Variants in NCOA2 observed in about 807,000 individuals in gnomAD.
NCOA2 encodes class E basic helix-loop-helix protein 75.
NCOA2 carries 21 observed loss-of-function variants against 145.1 expected under a neutral mutation model. The ratio of observed to expected loss-of-function variants is 0.14; its 90% CI spans 0.10 to 0.21. The LOEUF (loss-of-function observed/expected upper bound fraction) is 0.21, where lower values mean the gene tolerates loss of function less well. Ranked by LOEUF, NCOA2 falls within the 10% of genes least tolerant of loss-of-function variation. NCOA2 has a pLI of 1.00. For synonymous variants in NCOA2, 619 were observed against 637.5 expected, an observed-to-expected ratio of 0.97 and a Z score of 0.44; for missense variants, 1,472 against 1,837.6, an observed-to-expected ratio of 0.80 and a Z score of 3.64.
At chr8:70,328,749 CAAA>C (rs2136263949) in intron 1 of NCOA2, among the ~76,000 whole-genome samples, 1 of 152,080 alleles carries the variant, frequency 6.6e-6, no homozygotes, top group East Asian at 1.9e-4. Flanking sequence ...TCTCTGGTGT[CAAA>C]CTAGATACCT....
intron 6 of NCOA2, among the ~76,000 whole-genome samples, chr8:70,167,569 A>G (rs1209250579): frequency 1.3e-5 from 2 of 152,232 alleles, no homozygotes; most frequent in Non-Finnish European, 2.9e-5. Context: ...TATATAGTTT[A>G]TAACTTTGTT....
At chr8:70,326,320 T>C (rs1173493099) in intron 1 of NCOA2, among the ~76,000 whole-genome samples, 1 of 152,116 alleles carries the variant, frequency 6.6e-6, no homozygotes, top group Non-Finnish European at 1.5e-5. Flanking sequence ...AGTTCTCCCA[T>C]ATACATGTGA....
chr8:70,398,489 C>T (rs1178720226), intron 1 of NCOA2, among the ~76,000 whole-genome samples: 1 of 152,094 alleles, frequency 6.6e-6, no homozygotes, highest in African/African-American at 2.4e-5. Context: ...ACAACAACAG[C>T]AAGACCAAAG....
At chr8:70,308,166 T>C (rs1294362056) in intron 1 of NCOA2, among the ~76,000 whole-genome samples, 1 of 152,200 alleles carries the variant, frequency 6.6e-6, no homozygotes, top group Non-Finnish European at 1.5e-5. Context: ...AATGTAATCC[T>C]TTTTTATAAA....
At chr8:70,169,800 G>C (rs1306422790) in intron 6 of NCOA2, among the ~76,000 whole-genome samples, 1 of 151,914 alleles carries the variant, frequency 6.6e-6, no homozygotes, top group African/African-American at 2.4e-5. Context: ...AATGAAAATA[G>C]TTGCCATATA....
intron 1 of NCOA2, among the ~76,000 whole-genome samples, chr8:70,389,149 T>C (rs1002553868): frequency 3.9e-5 from 6 of 152,180 alleles, no homozygotes; most frequent in African/African-American, 1.4e-4. Context: ...AATGTCCCTG[T>C]TTTCGTTACA....
intron 4 of NCOA2, among the ~76,000 whole-genome samples, chr8:70,187,451 A>G (rs1586012675): frequency 6.6e-6 from 1 of 152,342 alleles, no homozygotes; most frequent in African/African-American, 2.4e-5. Flanking sequence ...GGACTGTTTA[A>G]GCAATCAAAT....
the NCOA2 span, among the ~76,000 whole-genome samples, chr8:70,409,889 A>C: frequency 6.6e-6 from 1 of 152,070 alleles, no homozygotes; most frequent in South Asian, 2.1e-4. Flanking sequence ...GAAAGAAAGA[A>C]TAAAAGAGAG....
intron 2 of NCOA2, among the ~76,000 whole-genome samples, chr8:70,278,641 C>A (rs1342902543): frequency 6.6e-6 from 1 of 152,104 alleles, no homozygotes; most frequent in Non-Finnish European, 1.5e-5. Context: ...CTCCTCTAGT[C>A]CATTCACCCC....
In NCOA2 at chr8:70,208,383, A is replaced by C. The variant is rs542981270; in HGVS notation, c.259+5520T>G. ...AAATCCTCCATAATATAAAAATATAAGGTGAAGCAGCATGTGCTGATGGAG... is the reference window on the plus strand; with the variant it reads ...AAATCCTCCATAATATAAAAATATACGGTGAAGCAGCATGTGCTGATGGAG... On this transcript the variant is annotated intron_variant, in intron 4 of 22. Coordinates refer to ENST00000452400, the MANE Select transcript of NCOA2 (RefSeq NM_006540.4). Among the ~76,000 whole-genome samples, 22 of 152,376 alleles carry C rather than the reference A, an allele frequency of 1.4e-4. 1 individual carries two copies. The South Asian group carries it at 3.5e-3, about 24-fold the overall frequency.
At chr8:70,176,394 C>T (rs1276354035) in intron 4 of NCOA2, among the ~76,000 whole-genome samples, 1 of 152,056 alleles carries the variant, frequency 6.6e-6, no homozygotes, top group Admixed American at 6.6e-5. Context: ...ATTTGTCAGT[C>T]CTTGCTTCAT....
rs766442634 is a variant in NCOA2 at position 70,156,610 on chromosome 8, A to G, written c.1755T>C (p.Cys585=). 59 of 1,613,860 alleles carry G rather than the reference A, an allele frequency of 3.7e-5. No homozygotes were observed. The highest frequency in any genetic ancestry group is 4.5e-5 in the Non-Finnish European group (53 of 1,179,864). ...CAGAGGGCTCCCCATATAGTCCAAA[A>G]CAGTCTTTTGAGTCCAAGCTTCCCA... ...SKMGSLDSKD[C]FGLYGEPSEG... is the part of the protein sequence containing the mutation. The change falls in exon 11 of 23, where the codon TGT becomes TGC. Residue 585 remains cysteine (C), a synonymous_variant. Transcript: ENST00000452400.
intron 4 of NCOA2, among the ~76,000 whole-genome samples, chr8:70,184,760 G>A (rs1329967142): frequency 6.6e-6 from 1 of 152,170 alleles, no homozygotes; most frequent in African/African-American, 2.4e-5. Flanking sequence ...TCTTCTTTCT[G>A]GCTCTGCCAC....
intron 4 of NCOA2, among the ~76,000 whole-genome samples, chr8:70,209,428 C>T (rs933904194): frequency 6.6e-6 from 1 of 152,224 alleles, no homozygotes; most frequent in African/African-American, 2.4e-5. Flanking sequence ...TTTGAGAGGA[C>T]TGATTCCAAT....
chr8:70,173,545 T>C (rs918026589), intron 5 of NCOA2, among the ~76,000 whole-genome samples: 28 of 152,202 alleles, frequency 1.8e-4, no homozygotes, highest in African/African-American at 6.8e-4. Context: ...TGGCCTTCCA[T>C]TGCCTTGTTG....
chr8:70,289,883 G>A (rs773812999), intron 2 of NCOA2, among the ~76,000 whole-genome samples: 4 of 151,904 alleles, frequency 2.6e-5, no homozygotes, highest in Non-Finnish European at 5.9e-5. Context: ...GGGGTGCAGT[G>A]GCTATTCACA....
chr8:70,320,481 T>A (rs1805953252), intron 1 of NCOA2, among the ~76,000 whole-genome samples: 2 of 152,156 alleles, frequency 1.3e-5, no homozygotes, highest in African/African-American at 4.8e-5. Context: ...AAGTCAGGCT[T>A]ACATGAAAGA....
At chr8:70,233,221 G>A (rs372336130) in intron 2 of NCOA2, among the ~76,000 whole-genome samples, 399 of 150,752 alleles carry the variant, frequency 2.6e-3, no homozygotes, top group Middle Eastern at 0.017. Context: ...GTGAGACTCC[G>A]TTTAAAAAAA....
At chr8:70,189,148 G>A (rs1243293788) in intron 4 of NCOA2, among the ~76,000 whole-genome samples, 1 of 152,118 alleles carries the variant, frequency 6.6e-6, no homozygotes, top group South Asian at 2.1e-4. Flanking sequence ...GGAACACGAT[G>A]CATTAAATTC....
Sources: allele counts gnomAD v4.1 joint callset (sites outside exome capture counted in the v4.1 genomes callset), GRCh38; gene constraint gnomAD v4.1.1; transcripts MANE v1.5; gene names NCBI Gene and HGNC (gene_info 2026-07-23, HGNC 2026-07-21).